Variants in CNTNAP5 observed in about 807,000 individuals in gnomAD.
The protein encoded by CNTNAP5 is contactin associated protein family member 5, also known as contactin-associated protein-like 5.
CNTNAP5 carries 72 observed loss-of-function variants against 150.2 expected under a neutral mutation model. The ratio of observed to expected loss-of-function variants is 0.48; its 90% CI spans 0.40 to 0.58. The LOEUF is 0.58. Ranked by LOEUF, CNTNAP5 falls within the 20% of genes least tolerant of loss-of-function variation. The pLI, the probability that CNTNAP5 is intolerant of heterozygous loss-of-function variation, is 0.00. For synonymous variants in CNTNAP5, 672 were observed against 619.8 expected (o/e 1.08, Z -1.25); for missense variants, 1,636 against 1,626.2 (o/e 1.01, Z -0.10).
intron 12 of CNTNAP5, among the ~76,000 whole-genome samples, chr2:124,625,083 C>T (rs766312): frequency 0.15 from 23,110 of 152,104 alleles, 2,096 homozygotes; most frequent in Middle Eastern, 0.25. Flanking sequence ...GTCTCTGAAA[C>T]AGAGAAAGCC....
chr2:124,385,581 A>G (rs940013231), intron 3 of CNTNAP5, among the ~76,000 whole-genome samples: 2 of 152,222 alleles, frequency 1.3e-5, no homozygotes, highest in Non-Finnish European at 2.9e-5. Flanking sequence ...GCCTTGCACA[A>G]TGCTTGCTGC....
At chr2:124,579,171 T>A (rs1336634668) in intron 11 of CNTNAP5, among the ~76,000 whole-genome samples, 1 of 152,092 alleles carries the variant, frequency 6.6e-6, no homozygotes, top group Non-Finnish European at 1.5e-5. Flanking sequence ...TGCCAGGAGG[T>A]CTTCGCTCTT....
intron 7 of CNTNAP5, among the ~76,000 whole-genome samples, chr2:124,488,156 A>G (rs1333386316): frequency 6.6e-6 from 1 of 152,204 alleles, no homozygotes; most frequent in Non-Finnish European, 1.5e-5. Context: ...GTCACCCGCA[A>G]TTTTATCAAA....
intron 13 of CNTNAP5, among the ~76,000 whole-genome samples, chr2:124,723,404 T>C (rs955457245): frequency 6.6e-6 from 1 of 152,210 alleles, no homozygotes; most frequent in Non-Finnish European, 1.5e-5. Flanking sequence ...ATTCATTGTA[T>C]TCCTACCAAA....
chr2:124,605,674 G>A (rs1328558700), intron 11 of CNTNAP5, among the ~76,000 whole-genome samples: 1 of 151,712 alleles, frequency 6.6e-6, no homozygotes, highest in Non-Finnish European at 1.5e-5. Flanking sequence ...AAATTAGCCA[G>A]ATGCGGTGGT....
intron 7 of CNTNAP5, among the ~76,000 whole-genome samples, chr2:124,488,099 T>C (rs1693932259): frequency 1.3e-5 from 2 of 152,166 alleles, no homozygotes; most frequent in Non-Finnish European, 2.9e-5. Context: ...ATAATACTTA[T>C]AGATTATAGG....
At chr2:124,494,443 C>A (rs1282331911) in intron 7 of CNTNAP5, among the ~76,000 whole-genome samples, 2 of 152,146 alleles carry the variant, frequency 1.3e-5, no homozygotes, top group Non-Finnish European at 2.9e-5. Flanking sequence ...AGGCCCCTAG[C>A]AGGTTGGATG....
At chr2:124,407,066 A>T (rs569988891) in intron 3 of CNTNAP5, among the ~76,000 whole-genome samples, 4 of 152,266 alleles carry the variant, frequency 2.6e-5, no homozygotes, top group Non-Finnish European at 5.9e-5. Flanking sequence ...TACATATACT[A>T]CATTTCCTCT....
chr2:124,528,856 C>G (rs1027693000), intron 10 of CNTNAP5, among the ~76,000 whole-genome samples: 3 of 152,148 alleles, frequency 2.0e-5, no homozygotes, highest in Admixed American at 2.0e-4. Context: ...AGGCAGGTGA[C>G]TGCCCCAGTT....
rs567467258 is a variant in CNTNAP5 at position 124,580,970 on chromosome 2, G to A, written c.1756+17647G>A. ...TTTGCATAATGTGTGGAGCACAGGG[G>A]GAACGGGAGTCATTGGAAGTAGAGG... On this transcript the variant is annotated intron_variant, in intron 11 of 23. Coordinates refer to ENST00000682447, the MANE Select transcript of CNTNAP5 (RefSeq NM_001367498.1). Among the ~76,000 whole-genome samples the A allele has an allele frequency of 1.1e-3, 164 of 152,318 alleles. 1 individual carries two copies. Among genetic ancestry groups the A allele is most frequent in the African/African-American group, 3.7e-3 (153 of 41,578 alleles).
At chr2:124,239,180 C>G (rs1256142371) in intron 2 of CNTNAP5, among the ~76,000 whole-genome samples, 1 of 146,868 alleles carries the variant, frequency 6.8e-6, no homozygotes, top group Non-Finnish European at 1.5e-5. Context: ...AATGCTAAAT[C>G]ATTCTCTATT....
chr2:124,781,883 GGTGGGGGTTACT>G (rs1427034475), intron 17 of CNTNAP5, among the ~76,000 whole-genome samples: 1 of 152,136 alleles, frequency 6.6e-6, no homozygotes, highest in African/African-American at 2.4e-5. Flanking sequence ...AAAACATGGG[GGTGGGGGTTACT>G]GTCAGGATGA....
intron 12 of CNTNAP5, among the ~76,000 whole-genome samples, chr2:124,632,361 TAC>T (rs1308573189): frequency 2.6e-5 from 4 of 152,176 alleles, no homozygotes; most frequent in Non-Finnish European, 5.9e-5. Flanking sequence ...CAGCACAGAA[TAC>T]TATGCAGCAA....
At chr2:124,808,065 A>T (rs1682118731) in intron 19 of CNTNAP5, among the ~76,000 whole-genome samples, 1 of 152,208 alleles carries the variant, frequency 6.6e-6, no homozygotes, top group Non-Finnish European at 1.5e-5. Flanking sequence ...GGATGCAGCA[A>T]GAGCCTCCAG....
intron 13 of CNTNAP5, among the ~76,000 whole-genome samples, chr2:124,711,195 T>C (rs1573564789): frequency 6.6e-6 from 1 of 151,888 alleles, no homozygotes; most frequent in Non-Finnish European, 1.5e-5. Context: ...AGCTTGAACC[T>C]GGGAGGCGGA....
intron 21 of CNTNAP5, among the ~76,000 whole-genome samples, chr2:124,898,897 A>G (rs1344749002): frequency 6.6e-6 from 1 of 151,568 alleles, no homozygotes; most frequent in African/African-American, 2.4e-5. Context: ...TTATGGCGAT[A>G]TGTTAGTCAA....
intron 19 of CNTNAP5, among the ~76,000 whole-genome samples, chr2:124,850,210 A>G (rs182479214): frequency 4.4e-4 from 67 of 152,322 alleles, no homozygotes; most frequent in South Asian, 6.2e-4. Flanking sequence ...TGTTTCCCCC[A>G]AATTCATGCC....
chr2:124,485,612 C>CAAAAAAAAAAAAAAAAAAAA (rs576700912), intron 7 of CNTNAP5, among the ~76,000 whole-genome samples: 1 of 52,396 alleles, frequency 1.9e-5, no homozygotes, highest in Non-Finnish European at 3.3e-5. Context: ...GACTCTGTCT[C>CAAAAAAAAAAAAAAAAAAAA]AAAAAAAAAA....
intron 3 of CNTNAP5, among the ~76,000 whole-genome samples, chr2:124,265,838 A>T (rs1393074348): frequency 1.4e-5 from 1 of 72,954 alleles, no homozygotes; most frequent in Admixed American, 1.8e-4. Flanking sequence ...TGAGAATGGT[A>T]AAAAAAAACA....
Sources: allele counts gnomAD v4.1 joint callset (sites outside exome capture counted in the v4.1 genomes callset), GRCh38; gene constraint gnomAD v4.1.1; transcripts MANE v1.5; gene names NCBI Gene and HGNC (gene_info 2026-07-23, HGNC 2026-07-21).